Variants in PHKA1 observed in about 807,000 individuals in gnomAD.
PHKA1 encodes phosphorylase b kinase regulatory subunit alpha, skeletal muscle isoform.
PHKA1 carries 60 observed loss-of-function variants against 110.2 expected under a neutral mutation model. That is an observed-to-expected ratio of 0.54 (90% CI 0.44 to 0.68). The LOEUF (loss-of-function observed/expected upper bound fraction) is 0.68. Among genes scored for constraint, PHKA1 ranks in the 30% least tolerant of loss-of-function variants. The pLI, the probability that PHKA1 is intolerant of heterozygous loss-of-function variation, is 0.00. For synonymous variants in PHKA1, 316 were observed against 333.6 expected, an observed-to-expected ratio of 0.95 and a Z score of 0.58; for missense variants, 801 against 942.5, an observed-to-expected ratio of 0.85 and a Z score of 1.97.
At chrX:72,679,574 A>T (rs1160021194) in intron 5 of PHKA1, among the ~76,000 whole-genome samples, 1 of 111,317 alleles carries the variant, frequency 9.0e-6, no homozygotes, top group East Asian at 2.8e-4. Context: ...ACATTCAGAA[A>T]GCTTAGTAGA....
chrX:72,682,376 G>A (rs1288697918), intron 5 of PHKA1, among the ~76,000 whole-genome samples: 14 of 112,619 alleles, frequency 1.2e-4, no homozygotes, highest in African/African-American at 4.5e-4. Context: ...CGCCCCGTCC[G>A]GGAGGTGAGG....
chrX:72,594,358 A>C lies in PHKA1; in HGVS notation c.3073-1084T>G, dbSNP rs782030658. ...GAAACACAATAGGGAAAGCATATGA[A>C]TCCCCAATTTTTTCCTATGAAAATA... is the stretch of plus-strand genomic sequence containing the variant. On this transcript the variant is annotated intron_variant, in intron 28 of 31. Transcript: ENST00000373542. Among the ~76,000 whole-genome samples, 4 of 110,457 alleles carry C rather than the reference A, an allele frequency of 3.6e-5. No homozygotes were observed. The South Asian group carries it at 1.5e-3, about 42-fold the overall frequency.
Position 72,603,152 on chromosome X carries a change from G to A in PHKA1, c.2884C>T (p.Leu962Phe), listed in dbSNP as rs1556245933. Residue 962 changes from leucine to phenylalanine, a missense_variant, in exon 26 of 32, where the codon CTC becomes TTC. Coordinates refer to ENST00000373542, the MANE Select transcript of PHKA1 (RefSeq NM_002637.4). ...TCCACTCCAAACTCCTTGCCGCTGA[G>A]AATGTGATGCAGGAGATTCTTCATG... Reference protein sequence around the residue: ...SAMKNLLHHILSGKEFGVERS... With the variant: ...SAMKNLLHHIFSGKEFGVERS... 1 of 1,205,290 alleles carries A rather than the reference G, an allele frequency of 8.3e-7. No individual in the cohort carries two copies. The highest frequency in any genetic ancestry group is 1.7e-5 in the African/African-American group (1 of 57,196).
rs1198251981 is a variant in PHKA1, at chrX:72,657,712, C to T, written c.865-71G>A. The T allele has an allele frequency of 3.1e-5, 26 of 829,892 alleles. 1 individual carries two copies. The highest frequency in any genetic ancestry group is 4.7e-5 in the Non-Finnish European group (26 of 553,473). 68.4% of individuals were successfully genotyped at this position (829,892 alleles called of 1,213,427 possible). A position where few individuals can be genotyped will look rare whatever the true frequency, so the allele number is the denominator to read the frequency against. On this transcript the variant is annotated intron_variant, in intron 8 of 31. Coordinates refer to ENST00000373542, the MANE Select transcript of PHKA1 (RefSeq NM_002637.4). ...GCCATGTAATTAATCAGAAATACAT[C>T]CTTGCAACATCTATATGTACCACCA...
intron 6 of PHKA1, among the ~76,000 whole-genome samples, chrX:72,672,553 AT>A (rs1333622755): frequency 9.0e-6 from 1 of 111,208 alleles, no homozygotes; most frequent in African/African-American, 3.3e-5. Flanking sequence ...TAACTCACTA[AT>A]CCATTAATCC....
At chrX:72,665,333 T>C (rs2053605409) in intron 8 of PHKA1, among the ~76,000 whole-genome samples, 1 of 111,293 alleles carries the variant, frequency 9.0e-6, no homozygotes, top group Admixed American at 9.5e-5. Flanking sequence ...CCTACCAAGA[T>C]TGAACCAAGA....
chrX:72,582,322 C>T (rs1428248415), intron 31 of PHKA1, 76 bp downstream of exon 31: 1 of 716,937 alleles, frequency 1.4e-6, no homozygotes, highest in African/African-American at 2.1e-5. Flanking sequence ...GTGACCGTGG[C>T]TCCTCAAAGA....
rs2052964615 is a variant in PHKA1 at position 72,620,720 on chromosome X, C to A, written c.2137+5G>T. ...CTGACTCTGGTGAGTCACGGCATTA[C>A]TCACTCTGTACATGCAGTTCCTTGG... is the stretch of plus-strand genomic sequence containing the variant. On this transcript the variant is annotated splice_donor_5th_base_variant and intron_variant, in intron 19 of 31. Coordinates refer to ENST00000373542, the MANE Select transcript of PHKA1 (RefSeq NM_002637.4). 1.7e-6 allele frequency: 2 copies of A among 1,202,961 alleles called. No homozygotes were observed. The highest frequency in any genetic ancestry group is 2.3e-6 in the Non-Finnish European group (2 of 888,724).
intron 16 of PHKA1, among the ~76,000 whole-genome samples, chrX:72,633,072 T>C (rs1448016857): frequency 8.9e-6 from 1 of 111,901 alleles, no homozygotes; most frequent in African/African-American, 3.3e-5. Context: ...TTCTGAAATC[T>C]CTTTGTCACT....
chrX:72,605,806 T>A (rs189132070), intron 23 of PHKA1, among the ~76,000 whole-genome samples, 187 bp from the exon 24 acceptor site: 7 of 112,388 alleles, frequency 6.2e-5, no homozygotes, highest in Admixed American at 5.7e-4. Context: ...CTGGCCCATA[T>A]CAACTTAGAG....
At chrX:72,682,943 A>T (rs782273746) in intron 5 of PHKA1, among the ~76,000 whole-genome samples, 2 of 104,730 alleles carry the variant, frequency 1.9e-5, no homozygotes, top group Non-Finnish European at 3.9e-5. Flanking sequence ...TTAAAAAAAA[A>T]AAAAAAAAAA....
At chrX:72,693,419 C>T (rs149448922) in intron 4 of PHKA1, among the ~76,000 whole-genome samples, 7 of 112,161 alleles carry the variant, frequency 6.2e-5, no homozygotes, top group Non-Finnish European at 1.9e-5. Flanking sequence ...GGAAAAGCTA[C>T]AGAGCTTTGT....
intron 8 of PHKA1, among the ~76,000 whole-genome samples, chrX:72,663,923 A>T (rs1438493074): frequency 1.8e-5 from 2 of 109,584 alleles, no homozygotes; most frequent in Non-Finnish European, 3.8e-5. Context: ...GGGCACATAC[A>T]GAAAGGAGAA....
intron 6 of PHKA1, among the ~76,000 whole-genome samples, chrX:72,673,308 T>C (rs945808610): frequency 8.9e-6 from 1 of 111,824 alleles, no homozygotes; most frequent in Admixed American, 9.5e-5. Flanking sequence ...AACAATTGTG[T>C]GTTTGTGTGT....
At chrX:72,670,073 C>T (rs2053668058) in intron 6 of PHKA1, among the ~76,000 whole-genome samples, 1 of 111,761 alleles carries the variant, frequency 8.9e-6, no homozygotes, top group African/African-American at 3.3e-5. Flanking sequence ...GATCACCGTT[C>T]TAACTGGCGT....
rs1265681470 is a variant in PHKA1 at position 72,615,762 on chromosome X, G to A, written c.2369+2948C>T. On this transcript the variant is annotated intron_variant, in intron 21 of 31. Coordinates refer to ENST00000373542, the MANE Select transcript of PHKA1 (RefSeq NM_002637.4). ...GGAAAGAAGGAGGGGGGGAAGGAAGGAAGGAAGGAAGGAAGGAAGGAAGGA... is the reference window on the plus strand; with the variant it reads ...GGAAAGAAGGAGGGGGGGAAGGAAGAAAGGAAGGAAGGAAGGAAGGAAGGA... 3.0e-5 allele frequency among the ~76,000 whole-genome samples: 3 copies of A among 98,720 alleles called. No homozygotes were observed. The Admixed American group carries it at 3.2e-4, about 11-fold the overall frequency. 85.7% of individuals were successfully genotyped at this position (98,720 alleles called of 115,157 possible).
At chrX:72,634,297 T>C (rs1321031180) in intron 16 of PHKA1, among the ~76,000 whole-genome samples, 1 of 111,692 alleles carries the variant, frequency 9.0e-6, no homozygotes, top group Non-Finnish European at 1.9e-5. Context: ...ACTACCCTAC[T>C]TCCTCAAATC....
At position 72,579,008 on chromosome X, in the gene PHKA1, T is replaced by C. The variant is rs1369912560; in HGVS notation, c.*1994A>G. ...GTTAAATACCACTGTATGGGGACCATAATGACACAATTTCGTAAACTCAGA... is the reference window on the plus strand; with the variant it reads ...GTTAAATACCACTGTATGGGGACCACAATGACACAATTTCGTAAACTCAGA... On this transcript the variant is annotated 3_prime_UTR_variant, in exon 32 of 32. Coordinates refer to ENST00000373542, the MANE Select transcript of PHKA1 (RefSeq NM_002637.4). The C allele has an allele frequency of 8.9e-6, 1 of 112,251 alleles. No homozygotes were observed. The highest frequency in any genetic ancestry group is 3.2e-5 in the African/African-American group (1 of 30,892). The allele number at this position is 112,251 out of a possible 1,213,427, so 9.3% of individuals were successfully genotyped here.
In PHKA1 at chrX:72,581,051, G is replaced by A. The variant is rs970713558; in HGVS notation, c.3623C>T (p.Ala1208Val). The A allele has an allele frequency of 5.0e-6, 6 of 1,209,536 alleles. No homozygotes were observed. The highest frequency in any genetic ancestry group is 3.4e-6 in the Non-Finnish European group (3 of 894,804). Residue 1208 changes from alanine (A) to valine (V), a missense_variant, in exon 32 of 32, where the codon GCC becomes GTC. This residue lies in a region of PHKA1 where 502 missense variants were observed against 519.2 expected (regional missense o/e 0.97). Coordinates refer to ENST00000373542, the MANE Select transcript of PHKA1 (RefSeq NM_002637.4). ...GGGCAGGAACTCCTGCACGTAGGTG[G>A]CGGCTGCCTTGGAGAGGTAGGTCAT... ...GTMTYLSKAA[A>V]TYVQEFLPHS...
Sources: gnomAD v4.1 joint callset for allele counts (sites outside exome capture counted in the v4.1 genomes callset) on GRCh38, gnomAD v4.1.1 for gene constraint, gnomAD v4.1.1 regional missense constraint, MANE v1.5 for transcripts, NCBI Gene and HGNC (gene_info 2026-07-23, HGNC 2026-07-21) for gene names.